PANK2: variants seen among roughly 807,000 people sequenced by gnomAD.
PANK2 encodes the protein pantothenate kinase 2.
PANK2 carries 36 observed loss-of-function variants against 43.1 expected under a neutral mutation model. The ratio of observed to expected loss-of-function variants is 0.84; its 90% confidence interval spans 0.64 to 1.10. The LOEUF (loss-of-function observed/expected upper bound fraction) is 1.10, where lower values mean the gene tolerates loss of function less well. PANK2 is among the 50% of genes least tolerant of loss of function. The pLI is 0.00. For synonymous variants in PANK2, 281 were observed against 238.2 expected, an observed-to-expected ratio of 1.18 and a Z score of -1.66; for missense variants, 576 against 593.3, an observed-to-expected ratio of 0.97 and a Z score of 0.30.
At chr20:3,900,088 A>G (rs1389861677) in intron 1 of PANK2, among the ~76,000 whole-genome samples, 4 of 151,594 alleles carry the variant, frequency 2.6e-5, no homozygotes, top group African/African-American at 9.7e-5. Flanking sequence ...TTGGTCTGCT[A>G]GTATTGTATC....
intron 1 of PANK2, among the ~76,000 whole-genome samples, chr20:3,896,236 T>C (rs941804759): frequency 3.4e-5 from 5 of 147,382 alleles, no homozygotes; most frequent in African/African-American, 1.3e-4. Context: ...CTAATTTTTT[T>C]TTTTTTTTTT....
chr20:3,896,229 ATT>A (rs35978823), intron 1 of PANK2, among the ~76,000 whole-genome samples: 40,795 of 112,362 alleles, frequency 0.36, 5,245 homozygotes, highest in South Asian at 0.45. Flanking sequence ...CGCCTGGCTA[ATT>A]TTTTTTTTTT....
At chr20:3,890,994 C>A (rs1195296437) in intron 1 of PANK2, among the ~76,000 whole-genome samples, 1 of 152,100 alleles carries the variant, frequency 6.6e-6, no homozygotes, top group Non-Finnish European at 1.5e-5. Flanking sequence ...GATGTAAATT[C>A]CAAAGATTCA....
chr20:3,909,794 A>G (rs1047474043), intron 2 of PANK2, among the ~76,000 whole-genome samples: 7 of 150,558 alleles, frequency 4.6e-5, no homozygotes, highest in African/African-American at 1.5e-4. Flanking sequence ...GGGTTTCACC[A>G]TGTTGGCCAG....
intron 4 of PANK2, among the ~76,000 whole-genome samples, chr20:3,914,023 T>C (rs6116098): frequency 0.3 from 45,417 of 151,210 alleles, 8,730 homozygotes; most frequent in African/African-American, 0.55. Context: ...TCTGCTGACC[T>C]CATGATCCGC....
Position 3,913,398 on chromosome 20 carries a change from C to CAATG in PANK2, c.1082+765_1082+768dup, listed in dbSNP as rs367626436. ...TACTCTTTTTGCCCAGGCTGGAGTG[C>CAATG]AATGGCGTGATCTCGGCTCACCACA... On this transcript the variant is annotated intron_variant, in intron 4 of 6. Transcript: ENST00000610179. 9.2e-3 allele frequency among the ~76,000 whole-genome samples: 1,405 copies of CAATG among 152,212 alleles called. 18 individuals carry two copies. Among genetic ancestry groups the CAATG allele is most frequent in the African/African-American group, 0.032 (1,339 of 41,512 alleles).
intron 4 of PANK2, among the ~76,000 whole-genome samples, chr20:3,916,519 T>G (rs1350279869): frequency 6.6e-6 from 1 of 152,212 alleles, no homozygotes; most frequent in Non-Finnish European, 1.5e-5. Context: ...TTTACTCTGC[T>G]CTGATAGAGC....
rs944142488 is a variant in PANK2, at chr20:3,927,839, C to G, written c.*4545C>G. ...GAGTTCCCCCAAAGCACAAACAAGT[C>G]TGCTGACACTGGTGGGGCCCTTACA... On this transcript the variant is annotated 3_prime_UTR_variant, in exon 7 of 7. Transcript: ENST00000610179. 5 of 152,388 alleles carry G rather than the reference C, an allele frequency of 3.3e-5. No homozygotes were observed. The highest frequency in any genetic ancestry group is 1.2e-4 in the African/African-American group (5 of 41,576). 9.4% of individuals were successfully genotyped at this position (152,388 alleles called of 1,614,324 possible).
intron 1 of PANK2, among the ~76,000 whole-genome samples, chr20:3,902,044 G>A (rs1308053823): frequency 6.6e-6 from 1 of 151,822 alleles, no homozygotes; most frequent in African/African-American, 2.4e-5. Flanking sequence ...TCTGCTGACC[G>A]ATAAACACTG....
chr20:3,889,154 ACT>A, upstream of PANK2: 2 of 1,591,004 alleles, frequency 1.3e-6, no homozygotes, highest in East Asian at 4.6e-5. Context: ...CGCCGCCATC[ACT>A]CTCTTCTGGG....
intron 2 of PANK2, 29 bp downstream of exon 2, chr20:3,908,307 T>A: frequency 6.6e-7 from 1 of 1,525,172 alleles, no homozygotes. Flanking sequence ...ATATACAATT[T>A]ATGGTAATTT....
chr20:3,900,048 C>CCCTTCTTAATGCTTTTTTGTT, intron 1 of PANK2, among the ~76,000 whole-genome samples: 1 of 150,782 alleles, frequency 6.6e-6, no homozygotes, highest in South Asian at 2.1e-4. Flanking sequence ...TTTTTTTTGT[C>CCCTTCTTAATGCTTTTTTGTT]CCTTCTTAAT....
rs2090482012 is a variant in PANK2, at chr20:3,912,441, A to G, written c.906-17A>G. 2 of 1,612,832 alleles carry G rather than the reference A, an allele frequency of 1.2e-6. No homozygotes were observed. Among genetic ancestry groups the G allele is most frequent in the Non-Finnish European group, 8.5e-7 (1 of 1,178,832 alleles). Reference sequence around the variant, plus strand: ...TTAAAAATGTTATAATACTGTGTTAATTGTTTTTAATCATAGTCTTGGAGG... The same window carrying G: ...TTAAAAATGTTATAATACTGTGTTAGTTGTTTTTAATCATAGTCTTGGAGG... On this transcript the variant is annotated splice_polypyrimidine_tract_variant and intron_variant, in intron 3 of 6. Transcript: ENST00000610179.
At chr20:3,921,214 T>C (rs1465660961) in intron 6 of PANK2, 2 of 139,710 alleles carry the variant, frequency 1.4e-5, no homozygotes, top group Non-Finnish European at 3.1e-5. Context: ...CCCCACCCCA[T>C]GGCAGGCCCT....
At chr20:3,905,717 C>CTTT (rs377100642) in intron 1 of PANK2, among the ~76,000 whole-genome samples, 1 of 132,590 alleles carries the variant, frequency 7.5e-6, no homozygotes, top group Non-Finnish European at 1.6e-5. Context: ...AACCCACACC[C>CTTT]TTTTTTTTTT....
At chr20:3,889,832 T>A (rs2090087687) in intron 1 of PANK2, 104 bp downstream of exon 1, 3 of 1,533,218 alleles carry the variant, frequency 2.0e-6, no homozygotes, top group East Asian at 4.8e-5. Context: ...GCGGACACTG[T>A]CCCCGCACGG....
intron 2 of PANK2, 97 bp downstream of exon 2, chr20:3,908,375 C>T: frequency 8.8e-7 from 1 of 1,131,502 alleles, no homozygotes; most frequent in African/African-American, 1.5e-5. Context: ...TCTAATGGAA[C>T]TTGAATTTTC....
Position 3,902,581 on chromosome 20 carries a change from GT to G in PANK2, c.299-5333del, listed in dbSNP as rs11087610. 7.6e-3 allele frequency among the ~76,000 whole-genome samples: 1,121 copies of G among 146,584 alleles called. 19 individuals carry two copies. Among genetic ancestry groups the G allele is most frequent in the African/African-American group, 0.026 (1,036 of 40,056 alleles). On this transcript the variant is annotated intron_variant, in intron 1 of 6. Coordinates refer to ENST00000610179, the MANE Select transcript of PANK2 (RefSeq NM_001386393.1). ...AGCATGAGCCACCGCACCTGGCCTA[GT>G]TTTTTTTTTTTCTTTTAAAGTAGAG...
intron 4 of PANK2, 105 bp from the exon 5 acceptor site, chr20:3,916,822 A>G: frequency 2.0e-6 from 3 of 1,502,444 alleles, no homozygotes; most frequent in South Asian, 1.2e-5. Flanking sequence ...AGATTTCAAC[A>G]ATGTTGCCCT....
Sources: gnomAD v4.1 joint callset for allele counts (sites outside exome capture counted in the v4.1 genomes callset) on GRCh38, gnomAD v4.1.1 for gene constraint, MANE v1.5 for transcripts, NCBI Gene and HGNC (gene_info 2026-07-23, HGNC 2026-07-21) for gene names.